Variants in GLUD1 observed in about 807,000 individuals in gnomAD.
GLUD1 encodes the protein glutamate dehydrogenase 1, mitochondrial.
A neutral mutation model predicts 56.0 loss-of-function variants in GLUD1; 22 were observed. That is an observed-to-expected ratio of 0.39 (90% CI 0.28 to 0.56). GLUD1 has a LOEUF of 0.56. Ranked by LOEUF, GLUD1 falls within the 20% of genes least tolerant of loss-of-function variation. GLUD1 has a pLI of 0.58. For synonymous variants in GLUD1, 223 were observed against 269.9 expected, an observed-to-expected ratio of 0.83 and a Z score of 1.70; for missense variants, 451 against 732.0, an observed-to-expected ratio of 0.62 and a Z score of 4.43.
intron 8 of GLUD1, 123 bp downstream of exon 8, chr10:87,060,565 T>C (rs1845904034): frequency 8.8e-7 from 1 of 1,132,880 alleles, no homozygotes; most frequent in African/African-American, 1.5e-5. Context: ...AACTGTATGG[T>C]ATGTGCAGTA....
chr10:87,058,612 G>C (rs1006672578), intron 10 of GLUD1, among the ~76,000 whole-genome samples: 1 of 152,186 alleles, frequency 6.6e-6, no homozygotes, highest in South Asian at 2.1e-4. Context: ...AATATTATTG[G>C]CTGGGCACAG....
At chr10:87,088,925 C>G (rs1295238471) in intron 1 of GLUD1, among the ~76,000 whole-genome samples, 1 of 152,102 alleles carries the variant, frequency 6.6e-6, no homozygotes, top group African/African-American at 2.4e-5. Flanking sequence ...TCTTAAACAC[C>G]AAAGTCTTCA....
intron 4 of GLUD1, among the ~76,000 whole-genome samples, chr10:87,071,870 T>C (rs1846247358): frequency 6.6e-6 from 1 of 152,350 alleles, no homozygotes; most frequent in East Asian, 1.9e-4. Flanking sequence ...AAGACTTCTA[T>C]GTAAGACTTC....
chr10:87,056,751 A>G (rs1249316549), intron 11 of GLUD1, among the ~76,000 whole-genome samples: 1 of 152,036 alleles, frequency 6.6e-6, no homozygotes, highest in African/African-American at 2.4e-5. Context: ...ACCAATCTAC[A>G]CCGTCACTAG....
Position 87,051,663 on chromosome 10 carries a change from A to G in GLUD1, c.*88T>C, listed in dbSNP as rs1429059606. 5.7e-6 allele frequency: 8 copies of G among 1,403,412 alleles called. No homozygotes were observed. In the East Asian group the frequency reaches 6.8e-5, roughly 12 times the overall value. 86.9% of individuals were successfully genotyped at this position (1,403,412 alleles called of 1,614,324 possible). A position where few individuals can be genotyped will look rare whatever the true frequency, so the allele number is the denominator to read the frequency against. ...CCATTATTAATGAGTCAGGAGAGAA[A>G]GGGATTTCTGTGGTTACATGTAAAC... On this transcript the variant is annotated 3_prime_UTR_variant, in exon 13 of 13. Transcript: ENST00000277865.
Position 87,054,135 on chromosome 10 carries a change from C to T in GLUD1, c.1495-731G>A, listed in dbSNP as rs982840045. On this transcript the variant is annotated intron_variant, in intron 11 of 12. Transcript: ENST00000277865. ...TACAGAGCTACAAAACACATATGCC[C>T]GATAAAAACTTAAAATGGGTCACTG... 4.6e-5 allele frequency among the ~76,000 whole-genome samples: 7 copies of T among 152,090 alleles called. No individual in the cohort carries two copies. The South Asian group carries it at 8.3e-4, about 18-fold the overall frequency.
chr10:87,054,136 G>A (rs965515406), intron 11 of GLUD1, among the ~76,000 whole-genome samples: 1 of 152,232 alleles, frequency 6.6e-6, no homozygotes, highest in South Asian at 2.1e-4. Flanking sequence ...ACATATGCCC[G>A]ATAAAAACTT....
At chr10:87,078,143 C>T (rs1432467237) in intron 1 of GLUD1, among the ~76,000 whole-genome samples, 2 of 152,182 alleles carry the variant, frequency 1.3e-5, no homozygotes, top group Non-Finnish European at 2.9e-5. Context: ...ATTTGGTCTA[C>T]TGTACAAACA....
At chr10:87,084,475 C>G (rs998953548) in intron 1 of GLUD1, among the ~76,000 whole-genome samples, 2 of 152,132 alleles carry the variant, frequency 1.3e-5, no homozygotes, top group Non-Finnish European at 2.9e-5. Flanking sequence ...GAAAACAAAC[C>G]AGCTCATTAC....
rs1399855353 is a variant in GLUD1 at position 87,094,011 on chromosome 10, C to T, written c.445+314G>A. The T allele has an allele frequency of 2.0e-6, 3 of 1,469,826 alleles. No individual in the cohort carries two copies. Among genetic ancestry groups the T allele is most frequent in the South Asian group, 2.4e-5 (2 of 82,644 alleles). The allele number at this position is 1,469,826 out of a possible 1,614,324, so 91.0% of individuals were successfully genotyped here. A position where few individuals can be genotyped will look rare whatever the true frequency, so the allele number is the denominator to read the frequency against. On this transcript the variant is annotated intron_variant, in intron 1 of 12. Coordinates refer to ENST00000277865, the MANE Select transcript of GLUD1 (RefSeq NM_005271.5). The surrounding 1 kb of genome is among the most constrained non-coding windows in gnomAD (Gnocchi z 6.6). ...CCTAGAAGTGCATTTCGGCAGGACC[C>T]GCCGTGTGTGACACAGACACCGGGA...
In GLUD1 at chr10:87,060,605, GAA is replaced by G. The variant is rs1388859993; in HGVS notation, c.1197+81_1197+82del. 3.9e-6 allele frequency: 6 copies of G among 1,544,658 alleles called. No homozygotes were observed. The Admixed American group carries it at 1.0e-4, about 26-fold the overall frequency. ...CCAATAAAGCTGCTAAAAAGAAAGA[GAA>G]AACTCAATCAGACTCTTCTATGACC... On this transcript the variant is annotated intron_variant, in intron 8 of 12. Coordinates refer to ENST00000277865, the MANE Select transcript of GLUD1 (RefSeq NM_005271.5).
intron 9 of GLUD1, 58 bp from the exon 10 acceptor site, chr10:87,059,331 A>T: frequency 6.5e-7 from 1 of 1,544,928 alleles, no homozygotes; most frequent in Non-Finnish European, 9.0e-7. Flanking sequence ...AAAAGCTGAA[A>T]ATGAACCTAA....
At chr10:87,088,320 A>C (rs1464456104) in intron 1 of GLUD1, among the ~76,000 whole-genome samples, 1 of 152,148 alleles carries the variant, frequency 6.6e-6, no homozygotes, top group Non-Finnish European at 1.5e-5. Flanking sequence ...GAAAAAAAAT[A>C]TTCCAAGAAA....
chr10:87,074,787 C>A (rs1324062310), intron 3 of GLUD1, among the ~76,000 whole-genome samples, 173 bp from the exon 4 acceptor site: 1 of 151,994 alleles, frequency 6.6e-6, no homozygotes, highest in Admixed American at 6.6e-5. Flanking sequence ...AATAAGGGAT[C>A]AAAAAAGTAG....
chr10:87,070,271 A>T (rs1473478410), intron 4 of GLUD1, among the ~76,000 whole-genome samples: 3 of 151,700 alleles, frequency 2.0e-5, no homozygotes, highest in Non-Finnish European at 4.4e-5. Flanking sequence ...TGGGCAACAT[A>T]GTGAGATCCT....
At position 87,050,224 on chromosome 10, in the gene GLUD1, A is replaced by C. The variant is rs1364263561; in HGVS notation, c.*1527T>G. Among the ~76,000 whole-genome samples the C allele has an allele frequency of 6.6e-6, 1 of 152,176 alleles. No individual in the cohort carries two copies. The highest frequency in any genetic ancestry group is 1.5e-5 in the Non-Finnish European group (1 of 68,026). ...AACAGCTGTTCATATTATTTAATAA[A>C]ATACAAAATAATTCGAGAATAAAGA... On this transcript the variant is annotated 3_prime_UTR_variant, in exon 13 of 13. Coordinates refer to ENST00000277865, the MANE Select transcript of GLUD1 (RefSeq NM_005271.5).
chr10:87,082,848 G>A (rs1347250838), intron 1 of GLUD1, among the ~76,000 whole-genome samples: 1 of 152,200 alleles, frequency 6.6e-6, no homozygotes, highest in African/African-American at 2.4e-5. Context: ...GAAGAAGCCA[G>A]TTACTCTTCC....
intron 11 of GLUD1, 121 bp downstream of exon 11, chr10:87,057,570 G>T: frequency 1.3e-6 from 1 of 751,694 alleles, no homozygotes; most frequent in South Asian, 1.4e-5. Context: ...CACATGTCAC[G>T]CACTTACTGT....
At chr10:87,089,230 A>G (rs1332241361) in intron 1 of GLUD1, among the ~76,000 whole-genome samples, 1 of 152,228 alleles carries the variant, frequency 6.6e-6, no homozygotes, top group Non-Finnish European at 1.5e-5. Flanking sequence ...TAAAAGCCTA[A>G]GATACAATTT....
Sources: allele counts gnomAD v4.1 joint callset (sites outside exome capture counted in the v4.1 genomes callset), GRCh38; gene constraint gnomAD v4.1.1; non-coding constraint Gnocchi (gnomAD v3.1); transcripts MANE v1.5; gene names NCBI Gene and HGNC (gene_info 2026-07-23, HGNC 2026-07-21).